The following ST7 variants were observed in gnomAD, a reference collection of about 807,000 sequenced individuals.
ST7 encodes the protein suppression of tumorigenicity 7.
In ST7, 28 loss-of-function variants were observed where a neutral mutation model predicts 78.7. The observed-to-expected ratio is 0.36, with a 90% CI of 0.26 to 0.49. The LOEUF (loss-of-function observed/expected upper bound fraction) is 0.49, where lower values mean the gene tolerates loss of function less well. Ranked by LOEUF, ST7 falls within the 20% of genes least tolerant of loss-of-function variation. The pLI, the probability that ST7 is intolerant of heterozygous loss-of-function variation, is 0.99. For synonymous variants in ST7, 247 were observed against 249.6 expected (o/e 0.99, Z 0.10); for missense variants, 418 against 696.0 (o/e 0.60, Z 4.49).
chr7:117,105,992 G>T (rs1325579293), intron 2 of ST7, among the ~76,000 whole-genome samples: 1 of 144,824 alleles, frequency 6.9e-6, no homozygotes, highest in African/African-American at 2.8e-5. Context: ...TTTTGTTTTT[G>T]TTTTTGTTTT....
intron 1 of ST7, among the ~76,000 whole-genome samples, chr7:117,096,249 G>A (rs1801034978): frequency 1.3e-5 from 2 of 151,778 alleles, no homozygotes; most frequent in African/African-American, 4.8e-5. Flanking sequence ...TTGGTTTTAG[G>A]GCAGTTTGGG....
chr7:117,052,798 G>A (rs568009415), intron 1 of ST7, among the ~76,000 whole-genome samples: 2 of 152,360 alleles, frequency 1.3e-5, no homozygotes, highest in South Asian at 4.1e-4. Flanking sequence ...GGAGGCTGGG[G>A]CAGGAGAATG....
At chr7:117,017,589 C>T (rs995109242) in intron 1 of ST7, among the ~76,000 whole-genome samples, 4 of 152,056 alleles carry the variant, frequency 2.6e-5, no homozygotes, top group Non-Finnish European at 5.9e-5. Context: ...AGTGGTTAAG[C>T]CAAAGATCAC....
At chr7:117,187,427 G>T (rs980809822) in intron 10 of ST7, 1 of 152,102 alleles carries the variant, frequency 6.6e-6, no homozygotes, top group Non-Finnish European at 1.5e-5. Flanking sequence ...TTTAAAAATG[G>T]AGAAAAGGTA....
intron 1 of ST7, among the ~76,000 whole-genome samples, chr7:117,075,957 A>T (rs1406611480): frequency 6.6e-6 from 1 of 152,190 alleles, no homozygotes; most frequent in Non-Finnish European, 1.5e-5. Flanking sequence ...CTGAAACCAG[A>T]TCCCTGCACC....
At chr7:116,962,397 C>G (rs532208488) in intron 1 of ST7, among the ~76,000 whole-genome samples, 9 of 152,294 alleles carry the variant, frequency 5.9e-5, no homozygotes, top group African/African-American at 2.2e-4. Context: ...TAATTTACAT[C>G]CCACCAACAG....
intron 1 of ST7, among the ~76,000 whole-genome samples, chr7:116,975,688 A>G (rs897535534): frequency 2.0e-5 from 3 of 151,024 alleles, no homozygotes; most frequent in African/African-American, 7.3e-5. Context: ...AATTACAGGC[A>G]TGAACCACCA....
intron 1 of ST7, among the ~76,000 whole-genome samples, chr7:117,038,683 T>C (rs534940034): frequency 6.6e-6 from 1 of 152,294 alleles, no homozygotes; most frequent in African/African-American, 2.4e-5. Context: ...TAAATGTGGA[T>C]AAACATGTAT....
chr7:116,988,767 A>T (rs1259852319), intron 1 of ST7, among the ~76,000 whole-genome samples: 10 of 152,226 alleles, frequency 6.6e-5, no homozygotes, highest in Non-Finnish European at 1.0e-4. Flanking sequence ...ACAGGAATGG[A>T]GATGTTGTTA....
intron 9 of ST7, among the ~76,000 whole-genome samples, chr7:117,166,328 G>A (rs968797948): frequency 5.8e-4 from 88 of 151,966 alleles, no homozygotes; most frequent in African/African-American, 2.0e-3. Flanking sequence ...CATTTCCCAG[G>A]CTATGCTGTT....
At chr7:117,157,352 G>A (rs949991203) in intron 9 of ST7, among the ~76,000 whole-genome samples, 5 of 152,178 alleles carry the variant, frequency 3.3e-5, no homozygotes, top group Admixed American at 6.5e-5. Flanking sequence ...GCATGTGGAC[G>A]TGTTGGGGAA....
chr7:116,999,317 T>G (rs1794816507), intron 1 of ST7, among the ~76,000 whole-genome samples: 1 of 152,246 alleles, frequency 6.6e-6, no homozygotes, highest in South Asian at 2.1e-4. Context: ...AAAAATATTT[T>G]TACAGCTTTA....
chr7:117,085,854 A>G (rs1344225102), intron 1 of ST7, among the ~76,000 whole-genome samples: 2 of 152,334 alleles, frequency 1.3e-5, no homozygotes, highest in Non-Finnish European at 2.9e-5. Context: ...CGTACTTACT[A>G]AGAGCTTTTA....
intron 2 of ST7, among the ~76,000 whole-genome samples, chr7:117,114,192 C>T (rs1285123940): frequency 6.6e-6 from 1 of 151,538 alleles, no homozygotes; most frequent in Non-Finnish European, 1.5e-5. Context: ...AGTTGCTATT[C>T]CATATTCCTA....
intron 9 of ST7, among the ~76,000 whole-genome samples, chr7:117,140,417 T>C (rs1482578598): frequency 1.3e-5 from 2 of 152,168 alleles, no homozygotes; most frequent in African/African-American, 4.8e-5. Context: ...GGGATAATGA[T>C]TCTTACCTGA....
chr7:117,195,462 T>C (rs1412368469), intron 12 of ST7, among the ~76,000 whole-genome samples: 2 of 152,194 alleles, frequency 1.3e-5, no homozygotes, highest in Admixed American at 1.3e-4. Flanking sequence ...TATTAGTCCA[T>C]TCTCATGCTG....
At chr7:117,168,476 G>A (rs1437958478) in intron 9 of ST7, among the ~76,000 whole-genome samples, 2 of 152,084 alleles carry the variant, frequency 1.3e-5, no homozygotes, top group Non-Finnish European at 2.9e-5. Flanking sequence ...GAATGACAGA[G>A]AGCTTTAATT....
intron 1 of ST7, among the ~76,000 whole-genome samples, chr7:117,035,151 A>G (rs1210982153): frequency 2.0e-5 from 3 of 147,830 alleles, no homozygotes; most frequent in South Asian, 4.3e-4. Context: ...TAAAGATATA[A>G]AATACACAGG....
chr7:117,008,019 G>C (rs1432742484), intron 1 of ST7, among the ~76,000 whole-genome samples: 2 of 152,138 alleles, frequency 1.3e-5, no homozygotes, highest in Non-Finnish European at 2.9e-5. Context: ...CAGTTGTCTT[G>C]ATTAGAAATA....
Sources: allele counts gnomAD v4.1 joint callset (sites outside exome capture counted in the v4.1 genomes callset), GRCh38; gene constraint gnomAD v4.1.1; transcripts MANE v1.5; gene names NCBI Gene and HGNC (gene_info 2026-07-23, HGNC 2026-07-21).